HHLA2: variants seen among roughly 807,000 people sequenced by gnomAD.
The protein encoded by HHLA2 is HERV-H LTR-associating protein 2.
HHLA2 carries 48 observed loss-of-function variants against 45.9 expected under a neutral mutation model. The ratio of observed to expected loss-of-function variants is 1.05; its 90% CI spans 0.83 to 1.33. The LOEUF (loss-of-function observed/expected upper bound fraction) is 1.33, where lower values mean the gene tolerates loss of function less well. Among genes scored for constraint, HHLA2 ranks in the 40% most tolerant of loss-of-function variants. HHLA2 has a pLI of 0.00. For synonymous variants in HHLA2, 161 were observed against 173.9 expected (o/e 0.93, Z 0.59); for missense variants, 462 against 494.3 (o/e 0.93, Z 0.62).
chr3:108,347,537 G>A (rs1280629685), intron 3 of HHLA2, among the ~76,000 whole-genome samples: 3 of 152,072 alleles, frequency 2.0e-5, no homozygotes, highest in Admixed American at 1.3e-4. Flanking sequence ...CATTAGGTGT[G>A]GTGGGAAGCC....
intron 2 of HHLA2, among the ~76,000 whole-genome samples, chr3:108,313,371 T>C (rs2081051882): frequency 1.3e-5 from 2 of 152,200 alleles, no homozygotes; most frequent in Non-Finnish European, 2.9e-5. Flanking sequence ...TTGGGAACTA[T>C]GCTTAATCCC....
intron 1 of HHLA2, among the ~76,000 whole-genome samples, chr3:108,298,549 C>A (rs1156959949): frequency 2.0e-5 from 3 of 152,210 alleles, no homozygotes; most frequent in African/African-American, 7.2e-5. Flanking sequence ...CTTTCTTCAG[C>A]ATAGGCTTCA....
At chr3:108,341,103 C>T (rs2081564220) in intron 3 of HHLA2, among the ~76,000 whole-genome samples, 2 of 151,888 alleles carry the variant, frequency 1.3e-5, no homozygotes, top group African/African-American at 4.8e-5. Context: ...CAGGTGCTCA[C>T]CACCACGCCT....
At chr3:108,377,127 TC>T in intron 10 of HHLA2, 130 bp from the exon 10 acceptor site, 1 of 638,490 alleles carries the variant, frequency 1.6e-6, no homozygotes, top group Non-Finnish European at 2.8e-6. Context: ...ATCTTTAATT[TC>T]AGATGCAAGC....
At chr3:108,341,625 C>G (rs528145144) in intron 3 of HHLA2, among the ~76,000 whole-genome samples, 24 of 152,092 alleles carry the variant, frequency 1.6e-4, no homozygotes, top group African/African-American at 5.5e-4. Flanking sequence ...AAACAGAGCC[C>G]AGTTCTTGTG....
Position 108,325,421 on chromosome 3 carries a change from A to G in HHLA2, c.-104-2849A>G, listed in dbSNP as rs9809472. ...GCCTTGCCACCACTGTGCTTGGCTG[A>G]ATTCACAAATCTGTTGTAACCTGTA... On this transcript the variant is annotated intron_variant, in intron 2 of 10. Coordinates refer to ENST00000619531, the Ensembl canonical transcript of HHLA2. 748 of 363,456 alleles carry G rather than the reference A, an allele frequency of 2.1e-3. 3 individuals are homozygous for G. Among genetic ancestry groups the G allele is most frequent in the African/African-American group, 0.015 (710 of 46,522 alleles). 22.5% of individuals were successfully genotyped at this position (363,456 alleles called of 1,614,324 possible).
chr3:108,363,063 C>A lies in HHLA2; in HGVS notation c.1108+617C>A, dbSNP rs560970898. Among the ~76,000 whole-genome samples, 31 of 152,206 alleles carry A rather than the reference C, an allele frequency of 2.0e-4. No individual in the cohort carries two copies. In the South Asian group the frequency reaches 4.6e-3, roughly 22 times the overall value. On this transcript the variant is annotated intron_variant, in intron 8 of 10. Coordinates refer to ENST00000619531, the Ensembl canonical transcript of HHLA2. ...TCATTTTAATTGTTGTTCAATTAAT[C>A]TTTTTCTAAATTTTAGGCAAAAAAT...
intron 9 of HHLA2, among the ~76,000 whole-genome samples, chr3:108,376,218 A>C (rs969890138): frequency 6.6e-6 from 1 of 152,116 alleles, no homozygotes; most frequent in South Asian, 2.1e-4. Flanking sequence ...GTTGGTAGGA[A>C]CCAGGCCAAG....
chr3:108,338,721 G>A (rs1437799244), intron 3 of HHLA2, among the ~76,000 whole-genome samples: 2 of 152,152 alleles, frequency 1.3e-5, no homozygotes, highest in Non-Finnish European at 2.9e-5. Context: ...TGGACAGGTT[G>A]CCATGATTAT....
chr3:108,314,245 AT>A (rs1249306215), intron 2 of HHLA2, among the ~76,000 whole-genome samples: 1 of 151,646 alleles, frequency 6.6e-6, no homozygotes, highest in East Asian at 1.9e-4. Context: ...GATGGAGGAG[AT>A]TGGGGGAACA....
chr3:108,320,535 T>A (rs2081180923), intron 2 of HHLA2, among the ~76,000 whole-genome samples: 1 of 152,220 alleles, frequency 6.6e-6, no homozygotes, highest in African/African-American at 2.4e-5. Context: ...TCTTCACAGG[T>A]AAATCATCTA....
intron 8 of HHLA2, among the ~76,000 whole-genome samples, chr3:108,373,785 C>T (rs1373582107): frequency 6.6e-6 from 1 of 151,876 alleles, no homozygotes; most frequent in Non-Finnish European, 1.5e-5. Flanking sequence ...TGTGAAGGAC[C>T]TCTTCAAGGA....
At chr3:108,309,159 T>A (rs1218226839) in intron 1 of HHLA2, among the ~76,000 whole-genome samples, 1 of 152,236 alleles carries the variant, frequency 6.6e-6, no homozygotes, top group Non-Finnish European at 1.5e-5. Context: ...ATTTAAGTCT[T>A]TAATCCACTT....
intron 1 of HHLA2, among the ~76,000 whole-genome samples, chr3:108,303,401 C>T (rs1186882594): frequency 6.6e-6 from 1 of 152,150 alleles, no homozygotes; most frequent in Non-Finnish European, 1.5e-5. Flanking sequence ...GATATCACTT[C>T]TGTACTTTGC....
rs1442596637 is a variant in HHLA2 at position 108,338,834 on chromosome 3, GGA to G, written c.-27+10491_-27+10492del. ...CTCCAGAATGAGATAAAACAGGGAGGGAGAGTTGTCCTGGAGGCAGGATTTCT... is the reference window on the plus strand; with the variant it reads ...CTCCAGAATGAGATAAAACAGGGAGGGAGTTGTCCTGGAGGCAGGATTTCT... On this transcript the variant is annotated intron_variant, in intron 3 of 10. Coordinates refer to ENST00000619531, the Ensembl canonical transcript of HHLA2. Among the ~76,000 whole-genome samples the G allele has an allele frequency of 3.9e-5, 6 of 152,240 alleles. No homozygotes were observed. In the East Asian group the frequency reaches 7.7e-4, roughly 20 times the overall value.
chr3:108,346,723 T>C (rs1400398120), intron 3 of HHLA2, among the ~76,000 whole-genome samples: 1 of 152,184 alleles, frequency 6.6e-6, no homozygotes, highest in Non-Finnish European at 1.5e-5. Context: ...GAAGTACACA[T>C]ACATTGTGAA....
chr3:108,329,396 A>G (rs1421129606), intron 3 of HHLA2, among the ~76,000 whole-genome samples: 1 of 152,174 alleles, frequency 6.6e-6, no homozygotes, highest in Non-Finnish European at 1.5e-5. Context: ...GACAGAAATC[A>G]GATTGAAGCC....
intron 1 of HHLA2, among the ~76,000 whole-genome samples, chr3:108,306,007 T>G (rs956440798): frequency 2.0e-5 from 3 of 152,164 alleles, no homozygotes; most frequent in Non-Finnish European, 4.4e-5. Flanking sequence ...CTCCACTGAT[T>G]ATTCATTCCC....
At chr3:108,298,047 T>C (rs999244424) in intron 1 of HHLA2, among the ~76,000 whole-genome samples, 19 of 152,218 alleles carry the variant, frequency 1.2e-4, no homozygotes, top group Admixed American at 1.2e-3. Flanking sequence ...GACTTCTGAC[T>C]GCAGGCATGC....
Sources: allele counts gnomAD v4.1 joint callset (sites outside exome capture counted in the v4.1 genomes callset), GRCh38; gene constraint gnomAD v4.1.1; transcripts MANE v1.5; gene names NCBI Gene and HGNC (gene_info 2026-07-23, HGNC 2026-07-21).